GADL1: variants seen among roughly 807,000 people sequenced by gnomAD.
The protein encoded by GADL1 is GAD like acidic amino acid decarboxylase 1, also known as acidic amino acid decarboxylase GADL1.
Under a neutral mutation model 69.5 loss-of-function variants are expected in GADL1, and 71 were observed. The ratio of observed to expected loss-of-function variants is 1.02; its 90% CI spans 0.84 to 1.25. The LOEUF (loss-of-function observed/expected upper bound fraction) is 1.25, where lower values mean the gene tolerates loss of function less well. Ranked by LOEUF, GADL1 falls within the 50% of genes most tolerant of loss-of-function variation. GADL1 has a pLI of 0.00. For missense variants in GADL1, 737 were observed against 631.8 expected (o/e 1.17, Z -1.79); for synonymous variants, 254 against 214.4 (o/e 1.18, Z -1.62).
chr3:30,852,643 TAA>T (rs11409920), intron 4 of GADL1, among the ~76,000 whole-genome samples: 1 of 146,792 alleles, frequency 6.8e-6, no homozygotes, highest in African/African-American at 2.5e-5. Context: ...ACTTTCATAA[TAA>T]AAAAAAAAAG....
At chr3:30,864,480 T>TA (rs960025036) in intron 1 of GADL1, among the ~76,000 whole-genome samples, 53 of 151,624 alleles carry the variant, frequency 3.5e-4, no homozygotes, top group African/African-American at 7.7e-4. Context: ...ACCAATGAAT[T>TA]AAAAAAAATC....
At chr3:30,829,358 G>A (rs1458676424) in intron 11 of GADL1, among the ~76,000 whole-genome samples, 1 of 151,864 alleles carries the variant, frequency 6.6e-6, no homozygotes, top group Non-Finnish European at 1.5e-5. Flanking sequence ...CAGTCAATCA[G>A]GAAATCAGCA....
intron 8 of GADL1, among the ~76,000 whole-genome samples, chr3:30,843,595 C>T (rs1264289079): frequency 1.3e-5 from 2 of 152,190 alleles, no homozygotes; most frequent in Non-Finnish European, 2.9e-5. Context: ...TTAAGGCCAG[C>T]CTTGGCTGGA....
At chr3:30,874,530 A>G (rs914564061) in intron 1 of GADL1, among the ~76,000 whole-genome samples, 1 of 151,946 alleles carries the variant, frequency 6.6e-6, no homozygotes. Context: ...CTTACAGATC[A>G]GTTAGCAAAT....
chr3:30,752,217 G>A (rs1695838939), intron 14 of GADL1, among the ~76,000 whole-genome samples: 2 of 152,168 alleles, frequency 1.3e-5, no homozygotes, highest in South Asian at 2.1e-4. Flanking sequence ...GTTTTCGACA[G>A]CTTTTCCTTT....
chr3:30,741,433 T>C (rs1695625094), intron 14 of GADL1, among the ~76,000 whole-genome samples: 1 of 152,028 alleles, frequency 6.6e-6, no homozygotes, highest in Non-Finnish European at 1.5e-5. Context: ...CCCCAGTGTG[T>C]ATTGGAAACA....
At chr3:30,829,036 T>G (rs1697741508) in intron 11 of GADL1, among the ~76,000 whole-genome samples, 1 of 151,912 alleles carries the variant, frequency 6.6e-6, no homozygotes, top group Admixed American at 6.6e-5. Context: ...AAATCAAAAA[T>G]CTGATACTGA....
At chr3:30,850,480 C>T in intron 5 of GADL1, among the ~76,000 whole-genome samples, 1 of 151,838 alleles carries the variant, frequency 6.6e-6, no homozygotes, top group East Asian at 1.9e-4. Flanking sequence ...TCTCTGGCTA[C>T]AAAAAAGGAC....
intron 14 of GADL1, among the ~76,000 whole-genome samples, chr3:30,742,202 T>A (rs1200953115): frequency 6.6e-6 from 1 of 152,088 alleles, no homozygotes; most frequent in Non-Finnish European, 1.5e-5. Flanking sequence ...ACAAAATCCA[T>A]GAGCATAATA....
intron 1 of GADL1, among the ~76,000 whole-genome samples, chr3:30,891,555 GT>G (rs1285945100): frequency 6.6e-6 from 1 of 152,078 alleles, no homozygotes; most frequent in Non-Finnish European, 1.5e-5. Context: ...GGGATTAGGT[GT>G]TAGGAGTGTA....
chr3:30,823,012 A>G (rs1263015982), intron 11 of GADL1, among the ~76,000 whole-genome samples: 1 of 152,030 alleles, frequency 6.6e-6, no homozygotes, highest in African/African-American at 2.4e-5. Flanking sequence ...CGTGGCACAT[A>G]TCAATTCTAA....
At chr3:30,747,870 G>A (rs939029933) in intron 14 of GADL1, among the ~76,000 whole-genome samples, 1 of 152,114 alleles carries the variant, frequency 6.6e-6, no homozygotes, top group Non-Finnish European at 1.5e-5. Flanking sequence ...GTTAAAACGA[G>A]TCTGTTCCTG....
intron 14 of GADL1, among the ~76,000 whole-genome samples, chr3:30,751,174 C>A (rs986381618): frequency 6.6e-6 from 1 of 152,048 alleles, no homozygotes; most frequent in Non-Finnish European, 1.5e-5. Context: ...GTTTCCAGTT[C>A]AGCCTCTGAT....
chr3:30,767,372 C>G (rs970581321), intron 14 of GADL1, among the ~76,000 whole-genome samples: 1 of 151,842 alleles, frequency 6.6e-6, no homozygotes, highest in African/African-American at 2.4e-5. Context: ...GAGAACCTAT[C>G]GTAAAGGAAA....
At chr3:30,837,608 C>T (rs1054563937) in intron 9 of GADL1, among the ~76,000 whole-genome samples, 2 of 152,126 alleles carry the variant, frequency 1.3e-5, no homozygotes, top group Admixed American at 6.6e-5. Flanking sequence ...GACTGTTTTA[C>T]ATAAACTATT....
chr3:30,877,857 T>C (rs759311036), intron 1 of GADL1, among the ~76,000 whole-genome samples: 2 of 151,964 alleles, frequency 1.3e-5, no homozygotes, highest in Non-Finnish European at 2.9e-5. Flanking sequence ...TAATAGATTT[T>C]AATATTTAAC....
chr3:30,869,587 A>G (rs1239452088), intron 1 of GADL1, among the ~76,000 whole-genome samples: 3 of 151,852 alleles, frequency 2.0e-5, no homozygotes, highest in African/African-American at 7.3e-5. Flanking sequence ...ACAGAAAACT[A>G]TGTTTACAAC....
intron 13 of GADL1, among the ~76,000 whole-genome samples, chr3:30,780,949 A>G (rs1009300921): frequency 1.3e-5 from 2 of 152,236 alleles, no homozygotes; most frequent in Non-Finnish European, 2.9e-5. Flanking sequence ...TGTATTTTAC[A>G]TAATTCTTAA....
chr3:30,830,570 C>T (rs1455745239), intron 11 of GADL1, among the ~76,000 whole-genome samples: 1 of 151,870 alleles, frequency 6.6e-6, no homozygotes, highest in African/African-American at 2.4e-5. Flanking sequence ...ATCCTTCCTC[C>T]TCTATCTAAT....
Sources: gnomAD v4.1 joint callset for allele counts (sites outside exome capture counted in the v4.1 genomes callset) on GRCh38, gnomAD v4.1.1 for gene constraint, MANE v1.5 for transcripts, NCBI Gene and HGNC (gene_info 2026-07-23, HGNC 2026-07-21) for gene names.